The following ARHGAP28 variants were observed in gnomAD, a reference collection of about 807,000 sequenced individuals.
The protein encoded by ARHGAP28 is Rho GTPase activating protein 28, also known as rho GTPase-activating protein 28.
In ARHGAP28, 56 loss-of-function variants were observed where a neutral mutation model predicts 90.7. The ratio of observed to expected loss-of-function variants is 0.62; its 90% CI spans 0.50 to 0.77. The LOEUF (loss-of-function observed/expected upper bound fraction) is 0.77. Among genes scored for constraint, ARHGAP28 ranks in the 30% least tolerant of loss-of-function variants. The pLI, the probability that ARHGAP28 is intolerant of heterozygous loss-of-function variation, is 0.00. For synonymous variants in ARHGAP28, 308 were observed against 323.3 expected, an observed-to-expected ratio of 0.95 and a Z score of 0.51; for missense variants, 869 against 900.9, an observed-to-expected ratio of 0.96 and a Z score of 0.45.
intron 2 of ARHGAP28, among the ~76,000 whole-genome samples, chr18:6,834,878 T>C (rs1208501495): frequency 1.3e-5 from 2 of 152,172 alleles, no homozygotes; most frequent in Non-Finnish European, 2.9e-5. Flanking sequence ...TGTGTTGAAA[T>C]ACGGAATCCT....
At chr18:6,820,820 A>C (rs952315327) in intron 1 of ARHGAP28, among the ~76,000 whole-genome samples, 1 of 152,226 alleles carries the variant, frequency 6.6e-6, no homozygotes, top group African/African-American at 2.4e-5. Context: ...AATTAAAAAC[A>C]TATTCAGAAA....
intron 2 of ARHGAP28, among the ~76,000 whole-genome samples, chr18:6,827,319 G>T (rs1292905406): frequency 6.8e-6 from 1 of 147,414 alleles, no homozygotes; most frequent in African/African-American, 2.5e-5. Flanking sequence ...GCGGGGGGCT[G>T]AACCCTCCAC....
intron 1 of ARHGAP28, among the ~76,000 whole-genome samples, chr18:6,782,811 A>G (rs1043256441): frequency 1.3e-5 from 2 of 151,376 alleles, no homozygotes; most frequent in Non-Finnish European, 2.9e-5. Flanking sequence ...ATGTGTGCCC[A>G]TATGTATTTC....
At chr18:6,743,218 C>T (rs1165289949) in intron 1 of ARHGAP28, among the ~76,000 whole-genome samples, 2 of 152,140 alleles carry the variant, frequency 1.3e-5, no homozygotes, top group Non-Finnish European at 2.9e-5. Flanking sequence ...TTTTAAAATG[C>T]AGAACTTAAA....
At chr18:6,865,060 T>C (rs1025874617) in intron 5 of ARHGAP28, among the ~76,000 whole-genome samples, 4 of 152,214 alleles carry the variant, frequency 2.6e-5, no homozygotes, top group Admixed American at 1.3e-4. Flanking sequence ...TTTTTCCTAT[T>C]GCAATAATTT....
At chr18:6,841,883 A>G in intron 3 of ARHGAP28, among the ~76,000 whole-genome samples, 1 of 152,336 alleles carries the variant, frequency 6.6e-6, no homozygotes, top group Middle Eastern at 3.4e-3. Context: ...ATTTTCTTGT[A>G]GCATTTAAAA....
At chr18:6,808,448 C>T (rs1314084972) in intron 1 of ARHGAP28, among the ~76,000 whole-genome samples, 1 of 151,668 alleles carries the variant, frequency 6.6e-6, no homozygotes, top group Admixed American at 6.6e-5. Flanking sequence ...CTTTTTCTTT[C>T]TTTTTCATTT....
intron 1 of ARHGAP28, chr18:6,788,679 A>G (rs555788861): frequency 1.3e-5 from 2 of 152,008 alleles, no homozygotes; most frequent in Admixed American, 6.6e-5. Context: ...GTTGGCCAGG[A>G]TGGTCTTGAT....
intron 1 of ARHGAP28, among the ~76,000 whole-genome samples, chr18:6,777,993 T>C (rs1401177896): frequency 6.6e-6 from 1 of 152,196 alleles, no homozygotes; most frequent in Non-Finnish European, 1.5e-5. Flanking sequence ...TTCATCAGTA[T>C]GATTACCAGC....
At chr18:6,785,265 A>G (rs1288189908) in intron 1 of ARHGAP28, among the ~76,000 whole-genome samples, 1 of 152,204 alleles carries the variant, frequency 6.6e-6, no homozygotes, top group African/African-American at 2.4e-5. Context: ...ACACTTTTTC[A>G]TATCATTATA....
At chr18:6,849,452 C>T (rs758651672) in intron 3 of ARHGAP28, among the ~76,000 whole-genome samples, 7 of 152,148 alleles carry the variant, frequency 4.6e-5, no homozygotes, top group East Asian at 1.9e-4. Context: ...GAAATGACTA[C>T]GTAGAACAGT....
In ARHGAP28 at chr18:6,894,812, C is replaced by T. The variant is rs377116436; in HGVS notation, c.1849-23C>T. On this transcript the variant is annotated intron_variant, in intron 14 of 17. Transcript: ENST00000383472. Reference sequence around the variant, plus strand: ...ATATGCTTGTTTTCTCAACATTACTCCTAAAGACTGTGTTTCTTTTAGACT... The same window carrying T: ...ATATGCTTGTTTTCTCAACATTACTTCTAAAGACTGTGTTTCTTTTAGACT... The T allele has an allele frequency of 1.6e-4, 251 of 1,611,056 alleles. 1 individual carries two copies. The highest frequency in any genetic ancestry group is 3.8e-5 in the Non-Finnish European group (45 of 1,177,754).
chr18:6,844,264 T>G (rs1011105423), intron 3 of ARHGAP28, among the ~76,000 whole-genome samples: 1 of 152,194 alleles, frequency 6.6e-6, no homozygotes, highest in African/African-American at 2.4e-5. Context: ...ATGAGTTTGT[T>G]TTTCTCTCTG....
chr18:6,841,157 TTCTCTCTCTCCTCTCTCTCTCTCCTCTC>T (rs1476735743), intron 3 of ARHGAP28, among the ~76,000 whole-genome samples: 5 of 70,282 alleles, frequency 7.1e-5, no homozygotes, highest in Admixed American at 3.1e-4. Context: ...TCTCTCCTCT[TTCTCTCTCTCCTCTCTCTCTCTCCTCTC>T]TCTCTCTCTC....
rs1379980641 is a variant in ARHGAP28, at chr18:6,782,589, TGTA to T, written c.123-42172_123-42170del. 1.3e-3 allele frequency among the ~76,000 whole-genome samples: 156 copies of T among 120,734 alleles called. 1 individual carries two copies. The highest frequency in any genetic ancestry group is 5.0e-3 in the African/African-American group (147 of 29,416). 79.2% of individuals were successfully genotyped at this position (120,734 alleles called of 152,430 possible). ...CCTGCCATCACGCCCAGCTAATTTT[TGTA>T]TTTTTTTTTTTTTTTTTTTTTTTTT... On this transcript the variant is annotated intron_variant, in intron 1 of 17. Coordinates refer to ENST00000383472, the MANE Select transcript of ARHGAP28 (RefSeq NM_001366230.1).
intron 3 of ARHGAP28, among the ~76,000 whole-genome samples, chr18:6,842,592 G>A (rs530648943): frequency 6.6e-6 from 1 of 152,190 alleles, no homozygotes; most frequent in East Asian, 1.9e-4. Context: ...TAGCATCGTT[G>A]TTTTTCTCTT....
chr18:6,804,972 G>T (rs148987687), intron 1 of ARHGAP28, among the ~76,000 whole-genome samples: 64 of 152,194 alleles, frequency 4.2e-4, no homozygotes, highest in African/African-American at 1.5e-3. Flanking sequence ...TTGAAAGAGG[G>T]TTTTTTAGAA....
At chr18:6,825,419 A>C (rs2143776151) in intron 2 of ARHGAP28, among the ~76,000 whole-genome samples, 1 of 152,262 alleles carries the variant, frequency 6.6e-6, no homozygotes, top group Non-Finnish European at 1.5e-5. Context: ...TTTGACCTTA[A>C]AGCATTTACT....
chr18:6,900,589 A>G (rs1423225038), intron 16 of ARHGAP28, among the ~76,000 whole-genome samples: 1 of 152,146 alleles, frequency 6.6e-6, no homozygotes. Flanking sequence ...AAACTTGAGG[A>G]CATGTCAATA....
Sources: allele counts gnomAD v4.1 joint callset (sites outside exome capture counted in the v4.1 genomes callset), GRCh38; gene constraint gnomAD v4.1.1; transcripts MANE v1.5; gene names NCBI Gene and HGNC (gene_info 2026-07-23, HGNC 2026-07-21).